EHBP1: variants seen among roughly 807,000 people sequenced by gnomAD.
EHBP1 encodes the protein EH domain-binding protein 1.
EHBP1 carries 55 observed loss-of-function variants against 144.0 expected under a neutral mutation model. The observed-to-expected ratio is 0.38, with a 90% CI of 0.31 to 0.48. The LOEUF (loss-of-function observed/expected upper bound fraction) is 0.48, where lower values mean the gene tolerates loss of function less well. EHBP1 is among the 20% of genes least tolerant of loss of function. EHBP1 has a pLI of 0.98. For synonymous variants in EHBP1, 469 were observed against 472.7 expected (o/e 0.99, Z 0.10); for missense variants, 1,200 against 1,364.2 (o/e 0.88, Z 1.90).
At chr2:62,771,470 G>T in intron 5 of EHBP1, 78 bp downstream of exon 5, 2 of 1,114,474 alleles carry the variant, frequency 1.8e-6, no homozygotes, top group Non-Finnish European at 2.5e-6. Context: ...TGGCATTTTG[G>T]TGGTAGGAAA....
rs145945400 is a variant in EHBP1 at position 62,959,307 on chromosome 2, G to C, written c.2460+3647G>C. Among the ~76,000 whole-genome samples the C allele has an allele frequency of 4.8e-3, 735 of 152,228 alleles. 38 individuals carry two copies. The South Asian group carries it at 0.1, about 21-fold the overall frequency. ...GACATTTAGGTGGTTTTCACATCTTGGCTATTGTGAATAATGCTGCAGTGA... is the reference window on the plus strand; with the variant it reads ...GACATTTAGGTGGTTTTCACATCTTCGCTATTGTGAATAATGCTGCAGTGA... On this transcript the variant is annotated intron_variant, in intron 14 of 22. Coordinates refer to ENST00000431489, the MANE Select transcript of EHBP1 (RefSeq NM_001142616.3).
At chr2:62,780,975 T>C (rs1285671660) in intron 5 of EHBP1, among the ~76,000 whole-genome samples, 1 of 152,198 alleles carries the variant, frequency 6.6e-6, no homozygotes, top group African/African-American at 2.4e-5. Flanking sequence ...GTATAAAAAT[T>C]CACATGATTA....
rs936280793 is a variant in EHBP1, at chr2:62,919,368, C to G, written c.1186-23350C>G. On this transcript the variant is annotated intron_variant, in intron 10 of 22. Transcript: ENST00000431489. ...TGAAGACTAGACTATTCAAAAGCAA[C>G]CATATATATAGGGGAAATTATGAAG... Among the ~76,000 whole-genome samples, 174 of 152,226 alleles carry G rather than the reference C, an allele frequency of 1.1e-3. 1 individual carries two copies. Among genetic ancestry groups the G allele is most frequent in the African/African-American group, 3.9e-3 (164 of 41,526 alleles).
At chr2:63,015,633 C>T (rs536093701) in intron 19 of EHBP1, among the ~76,000 whole-genome samples, 88 of 152,150 alleles carry the variant, frequency 5.8e-4, no homozygotes, top group African/African-American at 2.0e-3. Flanking sequence ...AGGCAAGTGC[C>T]ACCCTGCTTG....
At chr2:62,817,527 G>A (rs1191648491) in intron 5 of EHBP1, among the ~76,000 whole-genome samples, 1 of 152,140 alleles carries the variant, frequency 6.6e-6, no homozygotes, top group Non-Finnish European at 1.5e-5. Flanking sequence ...GGTGATATAG[G>A]GCCTGTCGGT....
chr2:62,773,723 C>A (rs1268309355), intron 5 of EHBP1, among the ~76,000 whole-genome samples: 1 of 151,072 alleles, frequency 6.6e-6, no homozygotes, highest in African/African-American at 2.4e-5. Context: ...TGGTGGCGTG[C>A]GCCTGTAATC....
chr2:62,714,471 G>A (rs1204348876), intron 2 of EHBP1, among the ~76,000 whole-genome samples: 1 of 152,192 alleles, frequency 6.6e-6, no homozygotes, highest in African/African-American at 2.4e-5. Flanking sequence ...TGAGGTCTGT[G>A]TCTGTGTAAA....
At chr2:62,838,885 G>A (rs1311058168) in intron 7 of EHBP1, among the ~76,000 whole-genome samples, 2 of 122,442 alleles carry the variant, frequency 1.6e-5, no homozygotes, top group African/African-American at 6.4e-5. Flanking sequence ...GGACCAGATG[G>A]ATTCACAGCC....
chr2:62,955,280 T>C (rs1334027629), intron 13 of EHBP1, among the ~76,000 whole-genome samples: 1 of 152,128 alleles, frequency 6.6e-6, no homozygotes, highest in East Asian at 1.9e-4. Flanking sequence ...CTAATAAAAT[T>C]ATAATTAAAT....
chr2:62,910,263 A>G (rs1438860032), intron 10 of EHBP1, among the ~76,000 whole-genome samples: 1 of 152,174 alleles, frequency 6.6e-6, no homozygotes, highest in Non-Finnish European at 1.5e-5. Flanking sequence ...CAGTTTATAT[A>G]GTTTGTACCA....
chr2:62,943,045 C>A (rs1450037119), intron 11 of EHBP1, 149 bp downstream of exon 11: 2 of 637,090 alleles, frequency 3.1e-6, no homozygotes, highest in Non-Finnish European at 5.1e-6. Flanking sequence ...TGTCAGAAAG[C>A]TTTTCCTTTT....
At position 63,033,138 on chromosome 2, in the gene EHBP1, T is replaced by C. The variant is rs2061329376; in HGVS notation, c.3104-4397T>C. Among the ~76,000 whole-genome samples the C allele has an allele frequency of 3.3e-5, 5 of 152,358 alleles. No individual in the cohort carries two copies. In the South Asian group the frequency reaches 1.0e-3, roughly 32 times the overall value. Reference sequence around the variant, plus strand: ...TAATGTTGGCTTTGGAGTTAATGTCTACATGACCCTAAATAACTGCACCAA... The same window carrying C: ...TAATGTTGGCTTTGGAGTTAATGTCCACATGACCCTAAATAACTGCACCAA... On this transcript the variant is annotated intron_variant, in intron 19 of 22. Transcript: ENST00000431489.
At chr2:62,680,479 C>T (rs1192032447) in intron 1 of EHBP1, among the ~76,000 whole-genome samples, 1 of 152,094 alleles carries the variant, frequency 6.6e-6, no homozygotes, top group African/African-American at 2.4e-5. Flanking sequence ...ATAAATTGAA[C>T]TTCTGATTCC....
chr2:62,674,059 A>T, exon 1 of EHBP1: 1 of 471,152 alleles, frequency 2.1e-6, no homozygotes, highest in Non-Finnish European at 4.4e-6. Flanking sequence ...AAGCCAAGCC[A>T]ACCACCTAAC....
At chr2:62,943,032 A>G in intron 11 of EHBP1, 136 bp downstream of exon 11, 1 of 657,304 alleles carries the variant, frequency 1.5e-6, no homozygotes, top group Non-Finnish European at 2.5e-6. Context: ...TTTGAGAGAT[A>G]TATGTCAGAA....
At chr2:62,962,140 C>T (rs1033610677) in intron 14 of EHBP1, among the ~76,000 whole-genome samples, 5 of 152,134 alleles carry the variant, frequency 3.3e-5, no homozygotes, top group African/African-American at 1.2e-4. Context: ...GCCTGGCTAA[C>T]ATGGCGAAAC....
chr2:62,938,230 TGTC>T (rs1275648468), intron 10 of EHBP1, among the ~76,000 whole-genome samples: 1 of 152,220 alleles, frequency 6.6e-6, no homozygotes, highest in Non-Finnish European at 1.5e-5. Context: ...CAACTGGAAA[TGTC>T]AACTTGAGAT....
chr2:63,021,830 G>A (rs887819130), intron 19 of EHBP1, among the ~76,000 whole-genome samples: 30 of 151,474 alleles, frequency 2.0e-4, no homozygotes, highest in African/African-American at 6.1e-4. Context: ...GTAGTGGCTC[G>A]ATATCTGCTC....
chr2:62,925,619 A>G (rs1409762760), intron 10 of EHBP1, among the ~76,000 whole-genome samples: 1 of 152,198 alleles, frequency 6.6e-6, no homozygotes. Context: ...GTAGTAGTTT[A>G]TACATGAACA....
Sources: allele counts gnomAD v4.1 joint callset (sites outside exome capture counted in the v4.1 genomes callset), GRCh38; gene constraint gnomAD v4.1.1; transcripts MANE v1.5; gene names NCBI Gene and HGNC (gene_info 2026-07-23, HGNC 2026-07-21).